The following IP6K1 variants were observed in gnomAD, a reference collection of about 807,000 sequenced individuals.
IP6K1 encodes the protein ATP:1D-myo-inositol-hexakisphosphate phosphotransferase.
In IP6K1, 13 loss-of-function variants were observed where a neutral mutation model predicts 38.3. That is an observed-to-expected ratio of 0.34 (90% confidence interval 0.22 to 0.54). The LOEUF (loss-of-function observed/expected upper bound fraction) is 0.54, where lower values mean the gene tolerates loss of function less well. IP6K1 is among the 20% of genes least tolerant of loss of function. IP6K1 has a pLI of 0.92. For synonymous variants in IP6K1, 212 were observed against 229.9 expected (o/e 0.92, Z 0.70); for missense variants, 397 against 599.8 (o/e 0.66, Z 3.53).
At chr3:49,783,248 A>G (rs916057098) in intron 1 of IP6K1, among the ~76,000 whole-genome samples, 1 of 151,996 alleles carries the variant, frequency 6.6e-6, no homozygotes, top group Non-Finnish European at 1.5e-5. Context: ...CCATCTCTAC[A>G]TAAGTAATTT....
intron 1 of IP6K1, among the ~76,000 whole-genome samples, chr3:49,770,166 T>C (rs1559714085): frequency 6.6e-6 from 1 of 152,186 alleles, no homozygotes; most frequent in African/African-American, 2.4e-5. Flanking sequence ...CACTTCACTC[T>C]AGCCTGGGCC....
At chr3:49,783,426 ATTT>A (rs2081084846) in intron 1 of IP6K1, among the ~76,000 whole-genome samples, 2 of 151,590 alleles carry the variant, frequency 1.3e-5, no homozygotes, top group South Asian at 4.2e-4. Flanking sequence ...AAAAGCTAAT[ATTT>A]TTGCTGGGTG....
In IP6K1 at chr3:49,747,951, G is replaced by A. The variant is rs751200749; in HGVS notation, c.90C>T (p.Ile30=). The A allele has an allele frequency of 1.2e-6, 2 of 1,614,156 alleles. No individual in the cohort carries two copies. Among genetic ancestry groups the A allele is most frequent in the South Asian group, 1.1e-5 (1 of 91,084 alleles). Residue 30 remains isoleucine (I), a synonymous_variant, in exon 2 of 6, where the codon ATC becomes ATT. Transcript: ENST00000321599. ...TGCTGCTGTGTCCGCCTACTTGGTG[G>A]ATGAAGGGCTCCAGGAGGACTCCCC... The part of the protein sequence containing the change: ...GDRGVLLEPF[I]HQVGGHSSMM...
At chr3:49,729,415 TA>T (rs893003332) in intron 4 of IP6K1, among the ~76,000 whole-genome samples, 3 of 137,638 alleles carry the variant, frequency 2.2e-5, no homozygotes, top group Admixed American at 7.0e-5. Flanking sequence ...TTTTTTATTT[TA>T]TTTTTTTTTT....
intron 1 of IP6K1, among the ~76,000 whole-genome samples, chr3:49,759,060 T>C (rs2080847678): frequency 7.4e-6 from 1 of 135,388 alleles, no homozygotes. Flanking sequence ...ATAGTTTATC[T>C]TGATAAATAA....
chr3:49,761,501 C>T (rs1184560065), intron 1 of IP6K1, among the ~76,000 whole-genome samples: 1 of 150,966 alleles, frequency 6.6e-6, no homozygotes, highest in African/African-American at 2.4e-5. Context: ...GTAGTCCCAG[C>T]TACTTGAGAG....
At chr3:49,751,333 T>C (rs1052521211) in intron 1 of IP6K1, among the ~76,000 whole-genome samples, 4 of 152,126 alleles carry the variant, frequency 2.6e-5, no homozygotes, top group Admixed American at 2.6e-4. Context: ...AGCTAATTTT[T>C]GTATTTTTAG....
chr3:49,759,422 G>T (rs2080850246), intron 1 of IP6K1, among the ~76,000 whole-genome samples: 1 of 152,078 alleles, frequency 6.6e-6, no homozygotes. Flanking sequence ...TATGGCCAGG[G>T]ACCAGCTCCA....
chr3:49,782,465 G>A (rs908685855), intron 1 of IP6K1, among the ~76,000 whole-genome samples: 1 of 151,940 alleles, frequency 6.6e-6, no homozygotes, highest in Admixed American at 6.6e-5. Flanking sequence ...CACCGCGCCC[G>A]GCCTGGAGGG....
chr3:49,728,056 A>T (rs1463713797), intron 5 of IP6K1, 47 bp downstream of exon 5: 2 of 1,576,760 alleles, frequency 1.3e-6, no homozygotes, highest in African/African-American at 2.7e-5. Context: ...AGCACAACCC[A>T]AATCATGCAA....
intron 1 of IP6K1, among the ~76,000 whole-genome samples, chr3:49,759,107 T>C (rs2080848168): frequency 6.6e-6 from 1 of 152,164 alleles, no homozygotes; most frequent in Non-Finnish European, 1.5e-5. Context: ...CTTTCTATGG[T>C]ATCTCAATGA....
rs2080634349 is a variant in IP6K1 at position 49,738,395 on chromosome 3, T to C, written c.251A>G (p.Asp84Gly). The C allele has an allele frequency of 6.2e-7, 1 of 1,613,824 alleles. No homozygotes were observed. Among genetic ancestry groups the C allele is most frequent in the Admixed American group, 1.7e-5 (1 of 59,982 alleles). ...CACTAAGTTGATGTAACCATCACTG[T>C]CCCCCTCAAAACAGACAGATACCAC... Reference protein sequence around the residue: ...KGVVSVCFEGDSDGYINLVAY... With the variant: ...KGVVSVCFEGGSDGYINLVAY... The change falls in exon 3 of 6, where the codon GAC becomes GGC. Residue 84 changes from aspartate to glycine, a missense_variant. Around this residue, in one of 3 missense-constraint regions of IP6K1, gnomAD observed 171 missense variants for 237.0 expected, o/e 0.72. Transcript: ENST00000321599.
chr3:49,754,589 C>T (rs1238115301), intron 1 of IP6K1, among the ~76,000 whole-genome samples: 1 of 151,376 alleles, frequency 6.6e-6, no homozygotes, highest in Non-Finnish European at 1.5e-5. Flanking sequence ...TAGGAGAAAT[C>T]ATATGAGTTT....
intron 1 of IP6K1, among the ~76,000 whole-genome samples, chr3:49,773,433 A>G (rs1559715118): frequency 6.6e-6 from 1 of 152,094 alleles, no homozygotes; most frequent in Non-Finnish European, 1.5e-5. Context: ...ACACAGTGAA[A>G]CCCCATCTCT....
intron 1 of IP6K1, among the ~76,000 whole-genome samples, chr3:49,759,569 C>T (rs1482732566): frequency 6.6e-6 from 1 of 152,152 alleles, no homozygotes; most frequent in Non-Finnish European, 1.5e-5. Flanking sequence ...ACAAACTCTA[C>T]AGAAACTCCC....
At chr3:49,745,662 T>C (rs1236223081) in intron 2 of IP6K1, among the ~76,000 whole-genome samples, 1 of 152,090 alleles carries the variant, frequency 6.6e-6, no homozygotes. Context: ...CGAAAGCAGC[T>C]TGCCCAACAT....
chr3:49,740,348 G>A (rs2080655976), intron 2 of IP6K1, among the ~76,000 whole-genome samples: 1 of 150,498 alleles, frequency 6.6e-6, no homozygotes, highest in Non-Finnish European at 1.5e-5. Context: ...AGGATTACTG[G>A]TGTGAGCCAC....
chr3:49,775,853 T>C (rs2081004031), intron 1 of IP6K1, among the ~76,000 whole-genome samples: 1 of 152,030 alleles, frequency 6.6e-6, no homozygotes, highest in South Asian at 2.1e-4. Context: ...GATTAGTTAA[T>C]GGTTTTTCTT....
intron 2 of IP6K1, among the ~76,000 whole-genome samples, chr3:49,744,084 C>T (rs915641858): frequency 5.3e-5 from 8 of 151,882 alleles, no homozygotes; most frequent in African/African-American, 1.9e-4. Flanking sequence ...TCCCATCATT[C>T]CTTCTATATT....
Sources: allele counts gnomAD v4.1 joint callset (sites outside exome capture counted in the v4.1 genomes callset), GRCh38; gene constraint gnomAD v4.1.1; regional missense constraint gnomAD v4.1.1; transcripts MANE v1.5; gene names NCBI Gene and HGNC (gene_info 2026-07-23, HGNC 2026-07-21).